TECPR2: variants seen among roughly 807,000 people sequenced by gnomAD.
TECPR2 encodes tectonin beta-propeller repeat-containing protein 2.
In TECPR2, 65 loss-of-function variants were observed where a neutral mutation model predicts 138.1. The observed-to-expected ratio is 0.47, with a 90% CI of 0.39 to 0.58. The LOEUF is 0.58. Among genes scored for constraint, TECPR2 ranks in the 20% least tolerant of loss-of-function variants. The pLI is 0.00. For missense variants in TECPR2, 1,553 were observed against 1,824.5 expected, an observed-to-expected ratio of 0.85 and a Z score of 2.71; for synonymous variants, 746 against 749.8, an observed-to-expected ratio of 0.99 and a Z score of 0.08.
intron 6 of TECPR2, among the ~76,000 whole-genome samples, chr14:102,427,982 C>T (rs969592793): frequency 1.3e-5 from 2 of 152,206 alleles, no homozygotes; most frequent in African/African-American, 2.4e-5. Flanking sequence ...AGGGCCGGTG[C>T]ACCTGCAGCA....
chr14:102,490,901 G>C (rs868559750), intron 17 of TECPR2, among the ~76,000 whole-genome samples: 1 of 151,380 alleles, frequency 6.6e-6, no homozygotes, highest in Non-Finnish European at 1.5e-5. Flanking sequence ...TTGTTTTTTT[G>C]GGTTTTTTTT....
intron 17 of TECPR2, among the ~76,000 whole-genome samples, chr14:102,487,763 A>G (rs907500819): frequency 3.7e-4 from 55 of 150,364 alleles, no homozygotes; most frequent in Non-Finnish European, 5.2e-4. Flanking sequence ...GGATGGTCTC[A>G]ATCTCCTGAC....
chr14:102,466,161 C>T (rs887779390), intron 17 of TECPR2, among the ~76,000 whole-genome samples: 34 of 152,088 alleles, frequency 2.2e-4, no homozygotes, highest in African/African-American at 6.0e-4. Flanking sequence ...GGGATGAGGA[C>T]ACCAGTGGTG....
chr14:102,497,173 C>A (rs1891306295), intron 18 of TECPR2, 53 bp downstream of exon 18: 1 of 1,576,308 alleles, frequency 6.3e-7, no homozygotes, highest in Admixed American at 1.7e-5. Flanking sequence ...GCTACCATCA[C>A]TGGGGGCTGC....
chr14:102,416,735 A>G (rs1889034427), intron 5 of TECPR2, among the ~76,000 whole-genome samples: 1 of 151,990 alleles, frequency 6.6e-6, no homozygotes, highest in Non-Finnish European at 1.5e-5. Context: ...TGTAATCCCA[A>G]CACTTTGGGA....
At chr14:102,391,438 T>C (rs1567321116) in intron 2 of TECPR2, among the ~76,000 whole-genome samples, 1 of 152,118 alleles carries the variant, frequency 6.6e-6, no homozygotes, top group Non-Finnish European at 1.5e-5. Flanking sequence ...ATCTCAATGT[T>C]AGGAGAGTGG....
In TECPR2 at chr14:102,450,541, TC is replaced by T; in HGVS notation, c.3317-17del. On this transcript the variant is annotated intron_variant, in intron 14 of 19. Coordinates refer to ENST00000359520, the MANE Select transcript of TECPR2 (RefSeq NM_014844.5). Reference sequence around the variant, plus strand: ...ATGCTTTCTTTCTTTAACACATTCTTCCTATTTACTCTTTCCAGGCACCTAC... The same window carrying T: ...ATGCTTTCTTTCTTTAACACATTCTTCTATTTACTCTTTCCAGGCACCTAC... The T allele has an allele frequency of 6.2e-7, 1 of 1,613,022 alleles. No individual in the cohort carries two copies. Among genetic ancestry groups the T allele is most frequent in the Non-Finnish European group, 8.5e-7 (1 of 1,179,048 alleles).
intron 17 of TECPR2, among the ~76,000 whole-genome samples, chr14:102,470,512 T>C (rs1595142092): frequency 6.6e-6 from 1 of 152,018 alleles, no homozygotes; most frequent in East Asian, 1.9e-4. Flanking sequence ...TTCACCATGT[T>C]GGCCAGGCTT....
chr14:102,436,318 C>CTTTTT (rs558287413), intron 9 of TECPR2, among the ~76,000 whole-genome samples: 7 of 135,504 alleles, frequency 5.2e-5, no homozygotes, highest in African/African-American at 1.1e-4. Context: ...TTCTTTCTTT[C>CTTTTT]TTTTTTTTTT....
chr14:102,477,884 G>A (rs773455065), intron 17 of TECPR2, among the ~76,000 whole-genome samples: 6 of 129,342 alleles, frequency 4.6e-5, no homozygotes, highest in African/African-American at 9.0e-5. Context: ...GCAGTGAGCC[G>A]AGATCGCACC....
chr14:102,423,671 A>G (rs961286487), intron 5 of TECPR2, among the ~76,000 whole-genome samples: 2 of 152,158 alleles, frequency 1.3e-5, no homozygotes. Flanking sequence ...CAACGAAGAC[A>G]TCGCCTAATG....
At chr14:102,417,290 G>A (rs1223359308) in intron 5 of TECPR2, among the ~76,000 whole-genome samples, 1 of 152,202 alleles carries the variant, frequency 6.6e-6, no homozygotes, top group Non-Finnish European at 1.5e-5. Flanking sequence ...TATTGTGTGC[G>A]TCTATCCCTG....
intron 5 of TECPR2, among the ~76,000 whole-genome samples, chr14:102,416,883 C>T (rs1401672237): frequency 6.6e-6 from 1 of 152,194 alleles, no homozygotes; most frequent in Admixed American, 6.5e-5. Context: ...ACTCAGGAGG[C>T]TGAGGCAGGA....
At chr14:102,370,836 GGT>G (rs766266352) in intron 1 of TECPR2, among the ~76,000 whole-genome samples, 1 of 152,182 alleles carries the variant, frequency 6.6e-6, no homozygotes, top group Non-Finnish European at 1.5e-5. Context: ...GACACACTGA[GGT>G]GTGTGGGAGA....
At chr14:102,466,375 T>C (rs1890550998) in intron 17 of TECPR2, among the ~76,000 whole-genome samples, 2 of 152,120 alleles carry the variant, frequency 1.3e-5, no homozygotes, top group African/African-American at 4.8e-5. Context: ...CTGTCAAACA[T>C]GAGGTTGTAC....
chr14:102,498,974 C>T lies in TECPR2; in HGVS notation c.*717C>T. 1 of 698,248 alleles carries T rather than the reference C, an allele frequency of 1.4e-6. No individual in the cohort carries two copies. Among genetic ancestry groups the T allele is most frequent in the Non-Finnish European group, 2.6e-6 (1 of 382,548 alleles). The allele number at this position is 698,248 out of a possible 1,614,324, so 43.3% of individuals were successfully genotyped here. ...CCACAGCACACCTCACCACACAACA[C>T]ACCACACCCCACACCGCACTGCACC... On this transcript the variant is annotated 3_prime_UTR_variant, in exon 20 of 20. Transcript: ENST00000359520.
chr14:102,381,016 C>T (rs1249676055), intron 2 of TECPR2, among the ~76,000 whole-genome samples: 2 of 145,906 alleles, frequency 1.4e-5, no homozygotes, highest in Admixed American at 7.0e-5. Flanking sequence ...GCTCTTGTTG[C>T]CCAGGCTGGA....
At chr14:102,459,795 T>C (rs1467245528) in intron 16 of TECPR2, among the ~76,000 whole-genome samples, 3 of 152,018 alleles carry the variant, frequency 2.0e-5, no homozygotes, top group Admixed American at 2.0e-4. Flanking sequence ...TAGAGATACA[T>C]TTACATGTGT....
chr14:102,413,994 C>T lies in TECPR2; in HGVS notation c.481-642C>T, dbSNP rs569066849. 3.2e-4 allele frequency among the ~76,000 whole-genome samples: 48 copies of T among 150,326 alleles called. 1 individual carries two copies. Among genetic ancestry groups the T allele is most frequent in the Non-Finnish European group, 7.1e-4 (48 of 67,398 alleles). On this transcript the variant is annotated intron_variant, in intron 4 of 19. Coordinates refer to ENST00000359520, the MANE Select transcript of TECPR2 (RefSeq NM_014844.5). Reference sequence around the variant, plus strand: ...AAAAATTTTTTTGTAGAGACATGATCTCACAATGTTGCCCAGGCTGGTCTT... The same window carrying T: ...AAAAATTTTTTTGTAGAGACATGATTTCACAATGTTGCCCAGGCTGGTCTT...
Sources: gnomAD v4.1 joint callset for allele counts (sites outside exome capture counted in the v4.1 genomes callset) on GRCh38, gnomAD v4.1.1 for gene constraint, MANE v1.5 for transcripts, NCBI Gene and HGNC (gene_info 2026-07-23, HGNC 2026-07-21) for gene names.